The following NADK variants were observed in gnomAD, a reference collection of about 807,000 sequenced individuals.
NADK encodes NAD kinase.
Under a neutral mutation model 49.8 loss-of-function variants are expected in NADK, and 22 were observed. The ratio of observed to expected loss-of-function variants is 0.44; its 90% CI spans 0.32 to 0.63. The LOEUF (loss-of-function observed/expected upper bound fraction) is 0.63, where lower values mean the gene tolerates loss of function less well. NADK is among the 30% of genes least tolerant of loss of function. NADK has a pLI of 0.06. For synonymous variants in NADK, 268 were observed against 253.7 expected, an observed-to-expected ratio of 1.06 and a Z score of -0.54; for missense variants, 438 against 609.4, an observed-to-expected ratio of 0.72 and a Z score of 2.96.
intron 3 of NADK, chr1:1,758,711 G>A: frequency 7.4e-7 from 1 of 1,356,832 alleles, no homozygotes; most frequent in South Asian, 1.7e-5. Flanking sequence ...TGGTCACATG[G>A]TCCTCCTGCC....
intron 1 of NADK, among the ~76,000 whole-genome samples, chr1:1,772,328 A>T (rs1646076993): frequency 6.6e-6 from 1 of 151,578 alleles, no homozygotes; most frequent in South Asian, 2.1e-4. Context: ...ATGCCTGACT[A>T]ATTTTTGTAT....
At chr1:1,757,997 G>A (rs569120383) in intron 3 of NADK, among the ~76,000 whole-genome samples, 78 of 152,308 alleles carry the variant, frequency 5.1e-4, no homozygotes, top group African/African-American at 1.9e-3. Context: ...CCACCCCGGT[G>A]GGATTCCCAT....
intron 3 of NADK, chr1:1,759,802 G>T (rs766515605): frequency 1.9e-6 from 3 of 1,554,670 alleles, no homozygotes. Context: ...TGGTCTGAGG[G>T]CTGAGGCAGA....
chr1:1,771,801 A>AT, intron 1 of NADK, among the ~76,000 whole-genome samples: 1 of 148,396 alleles, frequency 6.7e-6, no homozygotes, highest in East Asian at 2.1e-4. Context: ...AAGCACTGGA[A>AT]ATTTTTTTTT....
chr1:1,761,140 G>C (rs373198875), intron 3 of NADK, among the ~76,000 whole-genome samples: 2 of 152,134 alleles, frequency 1.3e-5, no homozygotes, highest in East Asian at 1.9e-4. Context: ...TTATAGGCAC[G>C]CGCCACCATG....
chr1:1,765,835 A>G (rs1645869057), intron 1 of NADK, among the ~76,000 whole-genome samples: 6 of 152,196 alleles, frequency 3.9e-5, no homozygotes, highest in Admixed American at 3.9e-4. Context: ...GCTTGAACCC[A>G]GGAGGTGGAG....
At chr1:1,762,708 G>A (rs1390958164) in intron 2 of NADK, among the ~76,000 whole-genome samples, 1 of 152,204 alleles carries the variant, frequency 6.6e-6, no homozygotes, top group Non-Finnish European at 1.5e-5. Flanking sequence ...AGTGAGCCGA[G>A]ATCGAGCCAC....
intron 1 of NADK, among the ~76,000 whole-genome samples, chr1:1,773,866 C>T (rs1034802191): frequency 6.6e-6 from 1 of 151,956 alleles, no homozygotes; most frequent in South Asian, 2.1e-4. Context: ...TCCCATGTAG[C>T]TGAGACTACA....
chr1:1,777,302 G>A (rs184577514), intron 1 of NADK, among the ~76,000 whole-genome samples: 292 of 152,260 alleles, frequency 1.9e-3, no homozygotes, highest in Middle Eastern at 0.017. Context: ...AGAGGCTTGA[G>A]AGGACAATGT....
Position 1,765,215 on chromosome 1 carries a change from C to G in NADK, c.179+13G>C, listed in dbSNP as rs763154627. 9.6e-6 allele frequency: 15 copies of G among 1,562,122 alleles called. No homozygotes were observed. The highest frequency in any genetic ancestry group is 2.8e-5 in the African/African-American group (2 of 72,424). ...ACGAGAAAAAAAAGAGGAACCATCC[C>G]TCCCAGTTGTACCTGAACTCCTTGG... On this transcript the variant is annotated intron_variant, in intron 2 of 11. Coordinates refer to ENST00000341426, the MANE Select transcript of NADK (RefSeq NM_023018.5).
intron 1 of NADK, among the ~76,000 whole-genome samples, chr1:1,768,265 C>T (rs1211127579): frequency 1.3e-5 from 2 of 151,816 alleles, no homozygotes; most frequent in African/African-American, 2.4e-5. Context: ...AGGCTAGGCA[C>T]GGTGGCTCAC....
intron 1 of NADK, among the ~76,000 whole-genome samples, chr1:1,769,336 C>A (rs577054453): frequency 6.6e-6 from 1 of 152,222 alleles, no homozygotes; most frequent in Non-Finnish European, 1.5e-5. Context: ...CACCTGAGGT[C>A]AGATGTTTGT....
Position 1,754,598 on chromosome 1 carries a change from G to T in NADK, c.789C>A (p.Gly263=), listed in dbSNP as rs1343750140. 6.2e-7 allele frequency: 1 copy of T among 1,613,746 alleles called. No individual in the cohort carries two copies. Among genetic ancestry groups the T allele is most frequent in the East Asian group, 2.2e-5 (1 of 44,890 alleles). ...CCATGTCCAGGCCTGCAGCCTGCGA[G>T]CCGTTCTCACCCAGCCCATTGTGCA... ...TAVHNGLGEN[G]SQAAGLDMDV... is the part of the protein sequence containing the mutation. Residue 263 remains glycine, a synonymous_variant, in exon 8 of 12, where the codon GGC becomes GGA. Coordinates refer to ENST00000341426, the MANE Select transcript of NADK (RefSeq NM_023018.5). The surrounding 1 kb of genome is among the most constrained non-coding windows in gnomAD (Gnocchi z 4.3).
In NADK at chr1:1,754,190, G is replaced by A. The variant is rs1645430965; in HGVS notation, c.962C>T (p.Pro321Leu). Residue 321 changes from proline (P) to leucine (L), a missense_variant, in exon 10 of 12, where the codon CCG (proline) becomes CTG (leucine). Physicochemically the swap from Pro to Leu is moderately conservative, Grantham distance 98. Coordinates refer to ENST00000341426, the MANE Select transcript of NADK (RefSeq NM_023018.5). This position sits in a 1 kb window ranked among gnomAD's most constrained non-coding sequence, Gnocchi z 4.3. Reference sequence around the variant, plus strand: ...GGCCGCATACGCCGTGCTGCCCGTCGGGGTGGACACGATCACTCCTGACAG... The same window carrying A: ...GGCCGCATACGCCGTGCTGCCCGTCAGGGTGGACACGATCACTCCTGACAG... ...VQGDGVIVST[P>L]TGSTAYAAAA... The A allele has an allele frequency of 1.9e-6, 3 of 1,612,526 alleles. No individual in the cohort carries two copies. The highest frequency in any genetic ancestry group is 2.5e-6 in the Non-Finnish European group (3 of 1,179,808).
intron 6 of NADK, chr1:1,756,004 C>G (rs905279516): frequency 2.6e-5 from 15 of 578,098 alleles, no homozygotes; most frequent in East Asian, 2.9e-5. Context: ...TTTCCCAGGA[C>G]CCACCACCCT....
At chr1:1,759,276 G>A (rs140068847) in intron 3 of NADK, 32 of 1,537,938 alleles carry the variant, frequency 2.1e-5, no homozygotes, top group East Asian at 7.3e-5. Context: ...TTGCAGGCAC[G>A]CACGGCTGTG....
intron 1 of NADK, among the ~76,000 whole-genome samples, chr1:1,766,806 T>TCTAC (rs1645902252): frequency 6.6e-6 from 1 of 151,720 alleles, no homozygotes; most frequent in Non-Finnish European, 1.5e-5. Flanking sequence ...GGTGTCTTGC[T>TCTAC]CTGTTGCCCA....
At chr1:1,759,287 G>T in intron 3 of NADK, 1 of 1,508,546 alleles carries the variant, frequency 6.6e-7, no homozygotes, top group Non-Finnish European at 8.9e-7. Flanking sequence ...CACGGCTGTG[G>T]GTACTGCACG....
intron 4 of NADK, chr1:1,756,875 C>T (rs1192056177): frequency 1.2e-6 from 1 of 803,368 alleles, no homozygotes; most frequent in Non-Finnish European, 2.2e-6. Context: ...ACCCCCACGC[C>T]TGCTCTTCTG....
Sources: allele counts gnomAD v4.1 joint callset (sites outside exome capture counted in the v4.1 genomes callset), GRCh38; gene constraint gnomAD v4.1.1; non-coding constraint Gnocchi (gnomAD v3.1); transcripts MANE v1.5; gene names NCBI Gene and HGNC (gene_info 2026-07-23, HGNC 2026-07-21).